The following VWC2L variants were observed in gnomAD, a reference collection of about 807,000 sequenced individuals.
VWC2L encodes the protein von Willebrand factor C domain-containing protein 2-like.
A neutral mutation model predicts 21.6 loss-of-function variants in VWC2L; 10 were observed. That is an observed-to-expected ratio of 0.46 (90% confidence interval 0.29 to 0.78). The LOEUF (loss-of-function observed/expected upper bound fraction) is 0.78. Ranked by LOEUF, VWC2L falls within the 30% of genes least tolerant of loss-of-function variation. The pLI is 0.10. For missense variants in VWC2L, 209 were observed against 277.1 expected, an observed-to-expected ratio of 0.75 and a Z score of 1.74; for synonymous variants, 96 against 94.3, an observed-to-expected ratio of 1.02 and a Z score of -0.10.
intron 2 of VWC2L, among the ~76,000 whole-genome samples, chr2:214,415,539 T>C (rs920271995): frequency 4.6e-5 from 7 of 152,258 alleles, no homozygotes; most frequent in African/African-American, 1.7e-4. Flanking sequence ...TGGGTGTTTA[T>C]GTATGAGAGA....
At chr2:214,496,269 AACT>A (rs1451233572) in intron 3 of VWC2L, among the ~76,000 whole-genome samples, 1 of 101,518 alleles carries the variant, frequency 9.9e-6, no homozygotes, top group Non-Finnish European at 2.3e-5. Flanking sequence ...TCATATAAGT[AACT>A]CATCAGTGAC....
At chr2:214,529,182 C>T (rs1689393303) in intron 3 of VWC2L, among the ~76,000 whole-genome samples, 1 of 152,158 alleles carries the variant, frequency 6.6e-6, no homozygotes, top group Admixed American at 6.5e-5. Flanking sequence ...CCAAGGCCAG[C>T]TTTTGGATTC....
intron 2 of VWC2L, among the ~76,000 whole-genome samples, chr2:214,432,978 T>C (rs2126177182): frequency 6.7e-6 from 1 of 149,894 alleles, no homozygotes; most frequent in African/African-American, 2.5e-5. Flanking sequence ...GCCAAGATTG[T>C]GCCACTGCAC....
intron 3 of VWC2L, among the ~76,000 whole-genome samples, chr2:214,495,559 G>T (rs542916650): frequency 6.6e-6 from 1 of 152,258 alleles, no homozygotes; most frequent in South Asian, 2.1e-4. Context: ...TGCCCCACTA[G>T]TTTGGCAGTG....
chr2:214,430,179 T>A (rs768403787), intron 2 of VWC2L, among the ~76,000 whole-genome samples: 1 of 150,736 alleles, frequency 6.6e-6, no homozygotes, highest in Admixed American at 6.7e-5. Context: ...AATGTCACTG[T>A]TGTGTAGCAA....
chr2:214,458,725 C>G (rs981668636), intron 3 of VWC2L, among the ~76,000 whole-genome samples: 2 of 152,156 alleles, frequency 1.3e-5, no homozygotes, highest in Middle Eastern at 3.4e-3. Flanking sequence ...TGTATTTGTA[C>G]AGTTTCCACA....
chr2:214,514,703 T>G (rs1689113819), intron 3 of VWC2L, among the ~76,000 whole-genome samples: 1 of 152,228 alleles, frequency 6.6e-6, no homozygotes, highest in Admixed American at 6.5e-5. Context: ...GCCCACTATC[T>G]AATGATGAGA....
At chr2:214,565,568 C>T (rs1483807559) in intron 3 of VWC2L, among the ~76,000 whole-genome samples, 3 of 152,196 alleles carry the variant, frequency 2.0e-5, no homozygotes, top group Non-Finnish European at 4.4e-5. Context: ...CTGCTATATG[C>T]CCTCTCACTG....
chr2:214,438,666 T>C (rs1702717403), intron 3 of VWC2L, among the ~76,000 whole-genome samples: 2 of 152,068 alleles, frequency 1.3e-5, no homozygotes, highest in Admixed American at 1.3e-4. Flanking sequence ...AATGTCTATG[T>C]CATATGTTAA....
At chr2:214,449,763 C>T (rs932882734) in intron 3 of VWC2L, among the ~76,000 whole-genome samples, 1 of 152,166 alleles carries the variant, frequency 6.6e-6, no homozygotes, top group Non-Finnish European at 1.5e-5. Context: ...TTCCTGCATA[C>T]ATACTTATTT....
At chr2:214,413,599 C>T (rs1702309785) in intron 1 of VWC2L, among the ~76,000 whole-genome samples, 1 of 152,036 alleles carries the variant, frequency 6.6e-6, no homozygotes, top group Admixed American at 6.6e-5. Flanking sequence ...GTAGGAAATC[C>T]TTTATAGTAG....
rs1415659280 is a variant in VWC2L, at chr2:214,578,194, T to C, written c.*2374T>C. On this transcript the variant is annotated 3_prime_UTR_variant, in exon 4 of 4. Transcript: ENST00000312504. Reference sequence around the variant, plus strand: ...TCAGAAAATATCATTAATAGAGCCATGCAGCATAGTACCTTATCTATTATT... The same window carrying C: ...TCAGAAAATATCATTAATAGAGCCACGCAGCATAGTACCTTATCTATTATT... 1 of 152,190 alleles carries C rather than the reference T, an allele frequency of 6.6e-6. No individual in the cohort carries two copies. Among genetic ancestry groups the C allele is most frequent in the Non-Finnish European group, 1.5e-5 (1 of 68,026 alleles). 9.4% of individuals were successfully genotyped at this position (152,190 alleles called of 1,614,324 possible).
At chr2:214,528,897 T>C (rs1335092337) in intron 3 of VWC2L, among the ~76,000 whole-genome samples, 1 of 152,234 alleles carries the variant, frequency 6.6e-6, no homozygotes, top group Non-Finnish European at 1.5e-5. Context: ...TCTCTCTTCC[T>C]GAATTTTTAG....
chr2:214,438,542 A>G (rs924777605), intron 3 of VWC2L, among the ~76,000 whole-genome samples: 4 of 152,066 alleles, frequency 2.6e-5, no homozygotes, highest in Admixed American at 2.6e-4. Flanking sequence ...AGACACATCC[A>G]GCATATTCAT....
chr2:214,504,876 TAGAC>T (rs1688946117), intron 3 of VWC2L, among the ~76,000 whole-genome samples: 1 of 152,204 alleles, frequency 6.6e-6, no homozygotes, highest in Non-Finnish European at 1.5e-5. Flanking sequence ...TGAAAGAGGA[TAGAC>T]AGACAAGTCC....
At chr2:214,432,077 A>G (rs1459623399) in intron 2 of VWC2L, among the ~76,000 whole-genome samples, 1 of 152,254 alleles carries the variant, frequency 6.6e-6, no homozygotes, top group Non-Finnish European at 1.5e-5. Flanking sequence ...ATATTTAAAT[A>G]AAATACAAAC....
chr2:214,545,322 G>A (rs1559326143), intron 3 of VWC2L, among the ~76,000 whole-genome samples: 1 of 152,122 alleles, frequency 6.6e-6, no homozygotes, highest in Non-Finnish European at 1.5e-5. Flanking sequence ...TCATCTTTAA[G>A]TACTCTTTGC....
At chr2:214,565,680 T>A (rs1265416616) in intron 3 of VWC2L, among the ~76,000 whole-genome samples, 1 of 152,196 alleles carries the variant, frequency 6.6e-6, no homozygotes, top group African/African-American at 2.4e-5. Flanking sequence ...TTCTATAAAG[T>A]AGTACAGACT....
chr2:214,473,245 A>T (rs1245344994), intron 3 of VWC2L, among the ~76,000 whole-genome samples: 1 of 152,204 alleles, frequency 6.6e-6, no homozygotes, highest in Non-Finnish European at 1.5e-5. Flanking sequence ...ATTAATACAT[A>T]CCTATTGTGT....
Sources: allele counts gnomAD v4.1 joint callset (sites outside exome capture counted in the v4.1 genomes callset), GRCh38; gene constraint gnomAD v4.1.1; transcripts MANE v1.5; gene names NCBI Gene and HGNC (gene_info 2026-07-23, HGNC 2026-07-21).